Variants in CDKAL1 observed in about 807,000 individuals in gnomAD.
CDKAL1 encodes CDKAL1 threonylcarbamoyladenosine tRNA methylthiotransferase.
A neutral mutation model predicts 68.2 loss-of-function variants in CDKAL1; 32 were observed. The observed-to-expected ratio is 0.47, with a 90% CI of 0.35 to 0.63. CDKAL1 has a LOEUF of 0.63. CDKAL1 is among the 30% of genes least tolerant of loss of function. The probability of loss-of-function intolerance (pLI) is 0.00; values close to 1 mark genes in which losing one functional copy is unlikely to be tolerated. For synonymous variants in CDKAL1, 234 were observed against 244.3 expected, an observed-to-expected ratio of 0.96 and a Z score of 0.39; for missense variants, 606 against 696.7, an observed-to-expected ratio of 0.87 and a Z score of 1.47.
intron 9 of CDKAL1, among the ~76,000 whole-genome samples, chr6:20,935,639 A>G (rs1451485274): frequency 2.0e-5 from 3 of 152,108 alleles, no homozygotes; most frequent in African/African-American, 7.2e-5. Flanking sequence ...CATATTGGCC[A>G]GACTGGTCTC....
intron 5 of CDKAL1, among the ~76,000 whole-genome samples, chr6:20,689,744 C>G (rs1245178752): frequency 6.6e-6 from 1 of 152,072 alleles, no homozygotes; most frequent in East Asian, 1.9e-4. Context: ...TATCTGTGCT[C>G]TAATTTTCTT....
chr6:20,596,995 A>G (rs1337039976), intron 4 of CDKAL1, among the ~76,000 whole-genome samples: 1 of 152,154 alleles, frequency 6.6e-6, no homozygotes, highest in East Asian at 1.9e-4. Flanking sequence ...AGGCCCGTTG[A>G]GATGAGCCTG....
Position 20,766,202 on chromosome 6 carries a change from A to AT in CDKAL1, c.517+7567dup, listed in dbSNP as rs149838257. Among the ~76,000 whole-genome samples, 1,173 of 152,024 alleles carry AT rather than the reference A, an allele frequency of 7.7e-3. 22 individuals are homozygous for AT. The highest frequency in any genetic ancestry group is 0.026 in the African/African-American group (1,085 of 41,438). On this transcript the variant is annotated intron_variant, in intron 7 of 15. Coordinates refer to ENST00000274695, the MANE Select transcript of CDKAL1 (RefSeq NM_017774.3). Reference sequence around the variant, plus strand: ...TATTTCCTTTTCTGATCAAAGATACATTTTTTTTAATTATTTGAAACCACC... The same window carrying AT: ...TATTTCCTTTTCTGATCAAAGATACATTTTTTTTTAATTATTTGAAACCACC...
chr6:20,781,665 A>G (rs1775437441), intron 8 of CDKAL1, among the ~76,000 whole-genome samples: 1 of 152,172 alleles, frequency 6.6e-6, no homozygotes, highest in Non-Finnish European at 1.5e-5. Flanking sequence ...ATTATTCACT[A>G]TTTGAAATGC....
intron 9 of CDKAL1, among the ~76,000 whole-genome samples, chr6:20,899,842 CA>C (rs1158935226): frequency 2.6e-5 from 4 of 151,976 alleles, no homozygotes; most frequent in Non-Finnish European, 5.9e-5. Context: ...AACTCCGTCT[CA>C]AAAAAACATT....
Position 20,640,583 on chromosome 6 carries a change from A to C in CDKAL1, c.287-8710A>C, listed in dbSNP as rs139786617. Among the ~76,000 whole-genome samples the C allele has an allele frequency of 2.6e-5, 4 of 152,358 alleles. No individual in the cohort carries two copies. The East Asian group carries it at 7.7e-4, about 29-fold the overall frequency. ...CATGTTCAAGATCTTAGAAATTTTG[A>C]AAATAGCAGAACGGCTGCTTTTGAA... On this transcript the variant is annotated intron_variant, in intron 4 of 15. Transcript: ENST00000274695.
rs149620855 is a variant in CDKAL1, at chr6:20,586,685, G to A, written c.286+37980G>A. ...TGCTCTAATCTGTGCTAATATGGTA[G>A]CCACTGGCCATGTGTCTGTTAAGTA... is the stretch of plus-strand genomic sequence containing the variant. On this transcript the variant is annotated intron_variant, in intron 4 of 15. Coordinates refer to ENST00000274695, the MANE Select transcript of CDKAL1 (RefSeq NM_017774.3). 4.7e-3 allele frequency among the ~76,000 whole-genome samples: 722 copies of A among 152,250 alleles called. 5 individuals are homozygous for A. The highest frequency in any genetic ancestry group is 0.016 in the African/African-American group (674 of 41,552).
chr6:21,097,096 C>T (rs1773354359), intron 12 of CDKAL1, among the ~76,000 whole-genome samples: 1 of 152,148 alleles, frequency 6.6e-6, no homozygotes, highest in African/African-American at 2.4e-5. Context: ...AGTTTAGATT[C>T]AGGGTATTCA....
intron 4 of CDKAL1, among the ~76,000 whole-genome samples, chr6:20,572,168 C>G (rs1036923355): frequency 6.6e-6 from 1 of 152,058 alleles, no homozygotes; most frequent in African/African-American, 2.4e-5. Flanking sequence ...TGACTTCTCC[C>G]AAGATACCCA....
At chr6:20,878,292 G>A (rs1002171879) in intron 9 of CDKAL1, among the ~76,000 whole-genome samples, 2 of 152,118 alleles carry the variant, frequency 1.3e-5, no homozygotes, top group African/African-American at 4.8e-5. Flanking sequence ...CAACAAGATC[G>A]AATTTCTTAT....
intron 13 of CDKAL1, among the ~76,000 whole-genome samples, chr6:21,140,484 A>G (rs752835723): frequency 6.6e-6 from 1 of 152,190 alleles, no homozygotes; most frequent in Non-Finnish European, 1.5e-5. Context: ...TCAAACTGGT[A>G]TCACTGCATG....
intron 13 of CDKAL1, among the ~76,000 whole-genome samples, chr6:21,145,946 T>C (rs1023040217): frequency 2.6e-5 from 4 of 152,204 alleles, no homozygotes; most frequent in African/African-American, 9.7e-5. Context: ...ATTCCATAGT[T>C]CAGTACTGTT....
Position 20,723,836 on chromosome 6 carries a change from G to A in CDKAL1, c.372-15683G>A, listed in dbSNP as rs1581449911. On this transcript the variant is annotated intron_variant, in intron 5 of 15. Coordinates refer to ENST00000274695, the MANE Select transcript of CDKAL1 (RefSeq NM_017774.3). ...TCATTTCTTCTTTTGCCTCTGTTCA[G>A]AGGTTGGGGAATTTTGTGACTATGT... Among the ~76,000 whole-genome samples, 4 of 152,314 alleles carry A rather than the reference G, an allele frequency of 2.6e-5. No homozygotes were observed. The Middle Eastern group carries it at 0.014, about 518-fold the overall frequency.
intron 9 of CDKAL1, among the ~76,000 whole-genome samples, chr6:20,865,179 G>C (rs1021215760): frequency 1.3e-5 from 2 of 152,118 alleles, no homozygotes; most frequent in African/African-American, 4.8e-5. Context: ...TAGTAAAATT[G>C]AGATTTCCTG....
At chr6:21,185,194 T>C (rs1407144476) in intron 13 of CDKAL1, among the ~76,000 whole-genome samples, 1 of 151,344 alleles carries the variant, frequency 6.6e-6, no homozygotes, top group Non-Finnish European at 1.5e-5. Flanking sequence ...AAGTAGACGA[T>C]GTACTATTGT....
chr6:21,039,597 C>T (rs965397305), intron 11 of CDKAL1, among the ~76,000 whole-genome samples: 4 of 152,084 alleles, frequency 2.6e-5, no homozygotes, highest in Non-Finnish European at 4.4e-5. Flanking sequence ...AGTACCTTTG[C>T]ACCTGTATTT....
chr6:20,837,973 G>C (rs911285639), intron 8 of CDKAL1, among the ~76,000 whole-genome samples: 1 of 149,072 alleles, frequency 6.7e-6, no homozygotes, highest in African/African-American at 2.5e-5. Flanking sequence ...GTGTGTGTGT[G>C]TGTGTGTGTA....
chr6:21,043,869 A>G (rs1400541472), intron 11 of CDKAL1, among the ~76,000 whole-genome samples: 1 of 152,164 alleles, frequency 6.6e-6, no homozygotes, highest in Non-Finnish European at 1.5e-5. Flanking sequence ...TTTAGCTGTG[A>G]TGAGATATAG....
chr6:20,728,779 T>C (rs1772770811), intron 5 of CDKAL1, among the ~76,000 whole-genome samples: 1 of 152,242 alleles, frequency 6.6e-6, no homozygotes, highest in Non-Finnish European at 1.5e-5. Context: ...GTCACTTAGA[T>C]TCGCTATATT....
Sources: gnomAD v4.1 joint callset for allele counts (sites outside exome capture counted in the v4.1 genomes callset) on GRCh38, gnomAD v4.1.1 for gene constraint, MANE v1.5 for transcripts, NCBI Gene and HGNC (gene_info 2026-07-23, HGNC 2026-07-21) for gene names.